ANK3: variants seen among roughly 807,000 people sequenced by gnomAD.
ANK3 encodes the protein ankyrin 3, also known as ankyrin-3.
ANK3 carries 57 observed loss-of-function variants against 370.9 expected under a neutral mutation model. The ratio of observed to expected loss-of-function variants is 0.15; its 90% CI spans 0.12 to 0.19. The LOEUF is 0.19. Among genes scored for constraint, ANK3 ranks in the 10% least tolerant of loss-of-function variants. The probability of loss-of-function intolerance (pLI) is 1.00; values close to 1 mark genes in which losing one functional copy is unlikely to be tolerated. For missense variants in ANK3, 4,439 were observed against 5,302.1 expected (o/e 0.84, Z 5.06); for synonymous variants, 1,929 against 1,946.3 (o/e 0.99, Z 0.23).
At chr10:60,707,060 T>A (rs1161715963) in intron 1 of ANK3, among the ~76,000 whole-genome samples, 1 of 152,190 alleles carries the variant, frequency 6.6e-6, no homozygotes, top group Non-Finnish European at 1.5e-5. Context: ...CTCTAAATTC[T>A]AGGAGTTCAT....
intron 2 of ANK3, among the ~76,000 whole-genome samples, chr10:60,577,838 T>C (rs558769730): frequency 6.6e-6 from 1 of 152,328 alleles, no homozygotes; most frequent in South Asian, 2.1e-4. Context: ...AGTCTTCATA[T>C]TGAAAAATGA....
chr10:60,733,180 C>A, intron 1 of ANK3: 1 of 1,188,834 alleles, frequency 8.4e-7, no homozygotes, highest in East Asian at 3.2e-5. Context: ...TGGGGCCCCC[C>A]GGCCCGGGCC....
At chr10:60,400,184 T>C (rs1342858964) in intron 2 of ANK3, among the ~76,000 whole-genome samples, 2 of 152,174 alleles carry the variant, frequency 1.3e-5, no homozygotes, top group Non-Finnish European at 2.9e-5. Flanking sequence ...GTCAGTGAGC[T>C]CTTCAGTCAG....
intron 2 of ANK3, among the ~76,000 whole-genome samples, chr10:60,567,704 G>A (rs188686754): frequency 2.6e-5 from 4 of 152,304 alleles, no homozygotes; most frequent in Admixed American, 2.0e-4. Context: ...AAAGTAAATT[G>A]AATATCTTTT....
chr10:60,371,593 A>T (rs2060120802), intron 1 of ANK3, among the ~76,000 whole-genome samples: 1 of 152,156 alleles, frequency 6.6e-6, no homozygotes, highest in Non-Finnish European at 1.5e-5. Flanking sequence ...CAAATACTCA[A>T]ATGTTTCAGA....
intron 2 of ANK3, among the ~76,000 whole-genome samples, chr10:60,575,375 G>A (rs969083778): frequency 3.3e-5 from 5 of 151,702 alleles, no homozygotes; most frequent in African/African-American, 9.7e-5. Context: ...TGGATTATAC[G>A]GCAAAATTCT....
chr10:60,543,682 T>C (rs1040614564), intron 2 of ANK3, among the ~76,000 whole-genome samples: 54 of 152,226 alleles, frequency 3.5e-4, no homozygotes, highest in South Asian at 1.2e-3. Context: ...CATGCACATG[T>C]ATTTATTCTT....
intron 1 of ANK3, among the ~76,000 whole-genome samples, chr10:60,634,535 G>A (rs1008040818): frequency 6.6e-6 from 1 of 151,996 alleles, no homozygotes; most frequent in African/African-American, 2.4e-5. Flanking sequence ...TGTAAAATGG[G>A]CCAATCAGCT....
At chr10:60,085,567 T>C (rs534369590) in intron 30 of ANK3, among the ~76,000 whole-genome samples, 1 of 151,946 alleles carries the variant, frequency 6.6e-6, no homozygotes, top group African/African-American at 2.4e-5. Context: ...AATTTGTAAG[T>C]GCAAAGATTG....
At chr10:60,588,330 G>A (rs1335831090) in intron 2 of ANK3, among the ~76,000 whole-genome samples, 4 of 151,378 alleles carry the variant, frequency 2.6e-5, no homozygotes, top group Non-Finnish European at 2.9e-5. Flanking sequence ...CATTACAGGC[G>A]AGTGCCACCA....
chr10:60,280,656 A>G (rs571612191), intron 1 of ANK3, among the ~76,000 whole-genome samples: 1 of 152,368 alleles, frequency 6.6e-6, no homozygotes, highest in Admixed American at 6.5e-5. Context: ...GTCTTGCTTA[A>G]TACAGTACAA....
intron 28 of ANK3, among the ~76,000 whole-genome samples, chr10:60,104,533 A>G (rs1009778503): frequency 1.3e-5 from 2 of 152,014 alleles, no homozygotes; most frequent in Admixed American, 6.6e-5. Context: ...TGGAATTAAA[A>G]CCACCTGATT....
chr10:60,228,274 T>C (rs955675523), intron 8 of ANK3, among the ~76,000 whole-genome samples: 6 of 152,146 alleles, frequency 3.9e-5, no homozygotes, highest in Admixed American at 2.0e-4. Flanking sequence ...CAGTGGCTCA[T>C]GCCTGTAATC....
In ANK3 at chr10:60,071,714, G is replaced by C. The variant is rs1263793315; in HGVS notation, c.9167C>G (p.Pro3056Arg). Reference sequence around the variant, plus strand: ...ATCACTAGAGGGAGATTCCTTTCCTGGGCTAAACTCTAAAGAATCAGGAGA... The same window carrying C: ...ATCACTAGAGGGAGATTCCTTTCCTCGGCTAAACTCTAAAGAATCAGGAGA... ...TKSPDSLEFS[P>R]GKESPSSDVF... The change falls in exon 37 of 44, where the codon CCA becomes CGA. Residue 3056 changes from proline (P) to arginine (R), a missense_variant. Pro to Arg is a moderately radical substitution (Grantham distance 103, BLOSUM62 -2). Coordinates refer to ENST00000280772, the MANE Select transcript of ANK3 (RefSeq NM_020987.5). The C allele has an allele frequency of 6.3e-7, 1 of 1,597,596 alleles. No individual in the cohort carries two copies. Among genetic ancestry groups the C allele is most frequent in the Non-Finnish European group, 8.5e-7 (1 of 1,174,144 alleles).
intron 1 of ANK3, among the ~76,000 whole-genome samples, chr10:60,712,596 G>A (rs905243505): frequency 5.3e-5 from 8 of 152,080 alleles, no homozygotes; most frequent in African/African-American, 1.7e-4. Context: ...GAAAAATATG[G>A]TAGATATTAA....
intron 2 of ANK3, among the ~76,000 whole-genome samples, chr10:60,562,910 T>C (rs1188265515): frequency 2.0e-5 from 3 of 152,216 alleles, no homozygotes; most frequent in Non-Finnish European, 4.4e-5. Context: ...TGATTAACAT[T>C]ATTTTCTTGG....
intron 1 of ANK3, among the ~76,000 whole-genome samples, chr10:60,325,479 G>A (rs2049621539): frequency 6.6e-6 from 1 of 152,132 alleles, no homozygotes; most frequent in Admixed American, 6.5e-5. Flanking sequence ...TTTCCTAGCT[G>A]CAATGACCAT....
chr10:60,484,232 G>A (rs1025493218), intron 2 of ANK3, among the ~76,000 whole-genome samples: 1 of 152,166 alleles, frequency 6.6e-6, no homozygotes, highest in African/African-American at 2.4e-5. Flanking sequence ...GGATGGAAAT[G>A]AGAGACAACC....
chr10:60,600,087 T>C (rs2078039756), intron 2 of ANK3, among the ~76,000 whole-genome samples: 1 of 152,156 alleles, frequency 6.6e-6, no homozygotes, highest in Admixed American at 6.6e-5. Context: ...CTTAAATGAC[T>C]TGCCTAAAAT....
Sources: gnomAD v4.1 joint callset for allele counts (sites outside exome capture counted in the v4.1 genomes callset) on GRCh38, gnomAD v4.1.1 for gene constraint, MANE v1.5 for transcripts, NCBI Gene and HGNC (gene_info 2026-07-23, HGNC 2026-07-21) for gene names.